CD46: variants seen among roughly 807,000 people sequenced by gnomAD.
The protein encoded by CD46 is membrane cofactor protein.
A neutral mutation model predicts 53.3 loss-of-function variants in CD46; 30 were observed. The ratio of observed to expected loss-of-function variants is 0.56; its 90% confidence interval spans 0.42 to 0.76. The LOEUF is 0.76. Among genes scored for constraint, CD46 ranks in the 30% least tolerant of loss-of-function variants. CD46 has a pLI of 0.00. For missense variants in CD46, 409 were observed against 463.0 expected (o/e 0.88, Z 1.07); for synonymous variants, 142 against 152.0 (o/e 0.93, Z 0.48).
chr1:207,771,815 T>C (rs991658850), intron 8 of CD46, among the ~76,000 whole-genome samples: 4 of 152,224 alleles, frequency 2.6e-5, no homozygotes, highest in Non-Finnish European at 5.9e-5. Flanking sequence ...TAGTATAGTT[T>C]GAAGTCAGGT....
chr1:207,773,232 G>T (rs977059303), intron 8 of CD46, among the ~76,000 whole-genome samples: 1 of 152,022 alleles, frequency 6.6e-6, no homozygotes, highest in Non-Finnish European at 1.5e-5. Flanking sequence ...TTTCTGTGGG[G>T]TCAGTGGTGA....
Position 207,792,224 on chromosome 1 carries a change from C to A in CD46, c.*42-1295C>A, listed in dbSNP as rs143234238. ...CTGGGAGGAGGAGGTTGCAAGTGAG[C>A]CAAGATCACACCACACTGCACTCCA... On this transcript the variant is annotated intron_variant, in intron 12 of 12. Transcript: ENST00000367042. Among the ~76,000 whole-genome samples, 595 of 151,990 alleles carry A rather than the reference C, an allele frequency of 3.9e-3. 9 individuals carry two copies. The highest frequency in any genetic ancestry group is 0.037 in the East Asian group (190 of 5,172).
intron 8 of CD46, among the ~76,000 whole-genome samples, chr1:207,779,145 A>T (rs1167570713): frequency 6.6e-6 from 1 of 152,134 alleles, no homozygotes; most frequent in Non-Finnish European, 1.5e-5. Context: ...GTATCCTGCA[A>T]CTTTGGTGAA....
chr1:207,776,042 T>C (rs1475463998), intron 8 of CD46, among the ~76,000 whole-genome samples: 3 of 152,238 alleles, frequency 2.0e-5, no homozygotes, highest in Non-Finnish European at 2.9e-5. Context: ...TCCAGTTCTC[T>C]TTGTTTACAC....
intron 5 of CD46, among the ~76,000 whole-genome samples, chr1:207,764,831 G>A (rs891602604): frequency 6.6e-6 from 1 of 152,130 alleles, no homozygotes; most frequent in African/African-American, 2.4e-5. Context: ...ACCTACTGAA[G>A]GTCCAGATGG....
chr1:207,759,851 T>C (rs1655987379), intron 4 of CD46, 127 bp downstream of exon 4: 3 of 633,300 alleles, frequency 4.7e-6, no homozygotes, highest in East Asian at 5.6e-5. Context: ...GTTATATCTA[T>C]TGGTATTTAT....
Position 207,757,628 on chromosome 1 carries a change from T to C in CD46, c.375T>C (p.Phe125=), listed in dbSNP as rs554142324. The change falls in exon 3 of 13, where the codon TTT becomes TTC. Residue 125 remains phenylalanine (F), a synonymous_variant. Transcript: ENST00000367042. ...GTYEFGYQMH[F]ICNEGYYLIG... ...ACGAGTTTGGTTATCAGATGCACTT[T>C]ATTTGTAATGAGGGGTAAGTTGCTC... is the stretch of plus-strand genomic sequence containing the variant. The C allele has an allele frequency of 2.5e-6, 4 of 1,604,762 alleles. No homozygotes were observed. In the Admixed American group the frequency reaches 6.7e-5, roughly 27 times the overall value.
chr1:207,776,583 A>G (rs755127501), intron 8 of CD46, among the ~76,000 whole-genome samples: 8 of 152,200 alleles, frequency 5.3e-5, no homozygotes, highest in South Asian at 2.1e-4. Flanking sequence ...GTGAAAAATA[A>G]CATCTTGTTT....
intron 1 of CD46, among the ~76,000 whole-genome samples, chr1:207,755,899 A>AT (rs963581676): frequency 3.9e-5 from 6 of 152,066 alleles, no homozygotes; most frequent in African/African-American, 1.4e-4. Flanking sequence ...TGAATACCAA[A>AT]TTTTTTTTGA....
Position 207,756,651 on chromosome 1 carries a change from G to A in CD46, c.98-363G>A, listed in dbSNP as rs17048573. Among the ~76,000 whole-genome samples the A allele has an allele frequency of 3.4e-3, 516 of 152,326 alleles. 3 individuals carry two copies. The highest frequency in any genetic ancestry group is 0.012 in the African/African-American group (490 of 41,562). ...AAACTATGGAAGAACAATCTGAGCA[G>A]AGTACTCTATACTGTAGAAGACTTC... is the stretch of plus-strand genomic sequence containing the variant. On this transcript the variant is annotated intron_variant, in intron 1 of 12. Transcript: ENST00000367042.
chr1:207,791,639 A>G (rs1471853393), intron 12 of CD46, among the ~76,000 whole-genome samples: 1 of 152,224 alleles, frequency 6.6e-6, no homozygotes, highest in Admixed American at 6.5e-5. Context: ...AATATTTTTG[A>G]CCGTATTTGA....
chr1:207,763,300 C>T (rs181131069), intron 5 of CD46: 4 of 152,408 alleles, frequency 2.6e-5, no homozygotes, highest in African/African-American at 4.8e-5. Flanking sequence ...GCGTGGAGTA[C>T]GGGATCCAGC....
chr1:207,773,700 T>C (rs1657773806), intron 8 of CD46, among the ~76,000 whole-genome samples: 1 of 152,186 alleles, frequency 6.6e-6, no homozygotes, highest in African/African-American at 2.4e-5. Flanking sequence ...TGTATTTGTG[T>C]GGTTTTGAGT....
intron 12 of CD46, among the ~76,000 whole-genome samples, chr1:207,792,477 A>G (rs1203691168): frequency 6.6e-6 from 1 of 152,078 alleles, no homozygotes; most frequent in Non-Finnish European, 1.5e-5. Context: ...TGAGGTTGCA[A>G]TTTTTTGAAT....
At chr1:207,753,066 C>A (rs1266440127) in intron 1 of CD46, among the ~76,000 whole-genome samples, 1 of 141,968 alleles carries the variant, frequency 7.0e-6, no homozygotes, top group Non-Finnish European at 1.5e-5. Flanking sequence ...TTGTAAATGG[C>A]TGCTTTTTTG....
At chr1:207,772,180 A>G (rs1231651958) in intron 8 of CD46, among the ~76,000 whole-genome samples, 2 of 152,006 alleles carry the variant, frequency 1.3e-5, no homozygotes, top group Non-Finnish European at 2.9e-5. Flanking sequence ...ATGGGAATTC[A>G]CTCATTATTT....
At chr1:207,792,818 A>AAC (rs1005455499) in intron 12 of CD46, among the ~76,000 whole-genome samples, 10 of 152,246 alleles carry the variant, frequency 6.6e-5, no homozygotes, top group African/African-American at 2.2e-4. Context: ...GCAAGTGTCA[A>AAC]ACACACACTG....
intron 1 of CD46, among the ~76,000 whole-genome samples, chr1:207,753,813 A>G (rs759280007): frequency 6.6e-6 from 1 of 152,224 alleles, no homozygotes; most frequent in Non-Finnish European, 1.5e-5. Context: ...ATCTATGTCC[A>G]AATTATATTT....
chr1:207,775,930 A>G lies in CD46; in HGVS notation c.943+5568A>G, dbSNP rs867007965. Among the ~76,000 whole-genome samples the G allele has an allele frequency of 6.6e-5, 10 of 152,358 alleles. 1 individual carries two copies. Among genetic ancestry groups the G allele is most frequent in the Middle Eastern group, 3.4e-3 (1 of 294 alleles). On this transcript the variant is annotated intron_variant, in intron 8 of 12. Coordinates refer to ENST00000367042, the MANE Select transcript of CD46 (RefSeq NM_172351.3). ...GTCAGACAGGGACGTTTAAGTCTGCAGAAGCTGCTGCGTTTTGTTCTACTA... is the reference window on the plus strand; with the variant it reads ...GTCAGACAGGGACGTTTAAGTCTGCGGAAGCTGCTGCGTTTTGTTCTACTA...
Sources: allele counts gnomAD v4.1 joint callset (sites outside exome capture counted in the v4.1 genomes callset), GRCh38; gene constraint gnomAD v4.1.1; transcripts MANE v1.5; gene names NCBI Gene and HGNC (gene_info 2026-07-23, HGNC 2026-07-21).